The following HGD variants were observed in gnomAD, a reference collection of about 807,000 sequenced individuals.
HGD encodes homogentisate 1,2-dioxygenase.
In HGD, 61 loss-of-function variants were observed where a neutral mutation model predicts 60.8. That is an observed-to-expected ratio of 1.00 (90% CI 0.82 to 1.24). The LOEUF (loss-of-function observed/expected upper bound fraction) is 1.24. Ranked by LOEUF, HGD falls within the 50% of genes most tolerant of loss-of-function variation. The pLI is 0.00. For synonymous variants in HGD, 212 were observed against 187.7 expected (o/e 1.13, Z -1.06); for missense variants, 542 against 547.1 (o/e 0.99, Z 0.09).
chr3:120,657,818 TGAGA>T (rs71133511), intron 4 of HGD, among the ~76,000 whole-genome samples: 50 of 146,420 alleles, frequency 3.4e-4, no homozygotes, highest in East Asian at 8.1e-4. Flanking sequence ...GGAACAGGAG[TGAGA>T]GAGAGAGAGA....
chr3:120,668,182 T>C (rs1707942929), intron 4 of HGD, among the ~76,000 whole-genome samples: 1 of 152,192 alleles, frequency 6.6e-6, no homozygotes, highest in Admixed American at 6.5e-5. Context: ...TAAGGGTCAA[T>C]TATTTAGACA....
chr3:120,633,088 C>T, intron 13 of HGD, 59 bp downstream of exon 13: 2 of 1,518,432 alleles, frequency 1.3e-6, no homozygotes, highest in Non-Finnish European at 1.8e-6. Flanking sequence ...AACGGCCACC[C>T]CTCTCAGTAA....
chr3:120,631,624 C>T (rs1940594295), intron 13 of HGD, among the ~76,000 whole-genome samples: 1 of 152,170 alleles, frequency 6.6e-6, no homozygotes, highest in African/African-American at 2.4e-5. Flanking sequence ...GCTGGATTAA[C>T]AAAAGCCCCA....
intron 4 of HGD, among the ~76,000 whole-genome samples, chr3:120,660,378 T>C (rs1005526450): frequency 6.6e-5 from 10 of 152,222 alleles, no homozygotes; most frequent in African/African-American, 1.9e-4. Flanking sequence ...GTGGCTCACT[T>C]GAATTCTTCA....
intron 4 of HGD, among the ~76,000 whole-genome samples, chr3:120,653,131 T>C (rs1427644954): frequency 2.0e-5 from 3 of 152,186 alleles, no homozygotes; most frequent in African/African-American, 7.2e-5. Context: ...AAATTGTTTT[T>C]TTAAGAGAAA....
chr3:120,652,167 T>A (rs956575352), intron 5 of HGD, among the ~76,000 whole-genome samples: 8 of 152,096 alleles, frequency 5.3e-5, no homozygotes, highest in African/African-American at 1.9e-4. Flanking sequence ...ATAAACCAAA[T>A]CAAATTTGTT....
intron 4 of HGD, among the ~76,000 whole-genome samples, chr3:120,666,591 T>G (rs892763956): frequency 4.6e-5 from 7 of 152,130 alleles, no homozygotes; most frequent in Non-Finnish European, 1.0e-4. Flanking sequence ...CAAGCAATTT[T>G]CCTGCCTCAG....
chr3:120,638,255 C>T (rs543949311), intron 12 of HGD, among the ~76,000 whole-genome samples, 200 bp downstream of exon 12: 4 of 152,206 alleles, frequency 2.6e-5, no homozygotes, highest in East Asian at 3.9e-4. Flanking sequence ...TTTATAGCAA[C>T]GAAGAATGGA....
chr3:120,658,622 G>A (rs777546729), intron 4 of HGD, among the ~76,000 whole-genome samples: 94 of 152,208 alleles, frequency 6.2e-4, no homozygotes, highest in Non-Finnish European at 1.1e-3. Flanking sequence ...TCTTCTCATA[G>A]CTCCACTAGG....
intron 12 of HGD, 55 bp downstream of exon 12, chr3:120,638,400 A>G (rs1940850827): frequency 6.2e-7 from 1 of 1,608,514 alleles, no homozygotes; most frequent in Admixed American, 1.7e-5. Context: ...TGTAGCGCTC[A>G]CTGCTTTGTT....
At position 120,633,525 on chromosome 3, in the gene HGD, TACTC is replaced by T. The variant is rs1940658081; in HGVS notation, c.1007-201_1007-198del. ...TTGGCATTCTTGGCAGGCACAGCTC[TACTC>T]CATGGCCATGTGGATTATCAGAGGT... is the stretch of plus-strand genomic sequence containing the variant. On this transcript the variant is annotated intron_variant, in intron 12 of 13. Coordinates refer to ENST00000283871, the MANE Select transcript of HGD (RefSeq NM_000187.4). 1.5e-5 allele frequency: 22 copies of T among 1,500,830 alleles called. No individual in the cohort carries two copies. The South Asian group carries it at 2.5e-4, about 17-fold the overall frequency. The allele number at this position is 1,500,830 out of a possible 1,614,324, so 93.0% of individuals were successfully genotyped here.
chr3:120,669,507 G>A (rs61795572), intron 4 of HGD, among the ~76,000 whole-genome samples: 61,768 of 151,094 alleles, frequency 0.41, 13,114 homozygotes, highest in African/African-American at 0.52. Context: ...AATCAAGTTT[G>A]TCCTAAAGTT....
intron 1 of HGD, 50 bp downstream of exon 1, chr3:120,682,047 A>T (rs1473482860): frequency 6.3e-7 from 1 of 1,587,806 alleles, no homozygotes; most frequent in Non-Finnish European, 8.7e-7. Flanking sequence ...AGAAACTTCC[A>T]TAAATTTTGG....
intron 4 of HGD, among the ~76,000 whole-genome samples, chr3:120,656,695 G>T (rs1379023115): frequency 2.0e-5 from 3 of 152,086 alleles, no homozygotes; most frequent in Admixed American, 2.0e-4. Context: ...GGGACTGCAG[G>T]TGCATGCCCC....
chr3:120,674,990 C>T lies in HGD; in HGVS notation c.88-1G>A. On this transcript the variant is annotated splice_acceptor_variant, in intron 2 of 13. Transcript: ENST00000283871. LOFTEE classifies it high-confidence loss of function. Reference sequence around the variant, plus strand: ...TGTAGGGGCAGACCTGAGGATTATTCTGAAACAAAGGATGCAATAAACAAT... The same window carrying T: ...TGTAGGGGCAGACCTGAGGATTATTTTGAAACAAAGGATGCAATAAACAAT... The T allele has an allele frequency of 6.2e-7, 1 of 1,606,090 alleles. No individual in the cohort carries two copies. Among genetic ancestry groups the T allele is most frequent in the Non-Finnish European group, 8.5e-7 (1 of 1,173,192 alleles).
chr3:120,677,130 G>A (rs1708146100), intron 1 of HGD, among the ~76,000 whole-genome samples: 1 of 152,068 alleles, frequency 6.6e-6, no homozygotes, highest in Non-Finnish European at 1.5e-5. Flanking sequence ...ATTGCCTCAG[G>A]ACCCTGTAAT....
intron 4 of HGD, among the ~76,000 whole-genome samples, chr3:120,658,024 G>A (rs1394104182): frequency 2.6e-5 from 4 of 152,092 alleles, no homozygotes; most frequent in Admixed American, 2.6e-4. Flanking sequence ...CAACATTAGG[G>A]ATTATAATTT....
chr3:120,667,518 A>G (rs1707928631), intron 4 of HGD, among the ~76,000 whole-genome samples: 1 of 152,074 alleles, frequency 6.6e-6, no homozygotes, highest in African/African-American at 2.4e-5. Flanking sequence ...AGCATATTAC[A>G]CATCACACTC....
intron 11 of HGD, among the ~76,000 whole-genome samples, chr3:120,639,222 G>A (rs2107499320): frequency 6.6e-6 from 1 of 152,232 alleles, no homozygotes; most frequent in Non-Finnish European, 1.5e-5. Context: ...CCTTCTAGTA[G>A]TCTCCAGTGT....
Sources: gnomAD v4.1 joint callset for allele counts (sites outside exome capture counted in the v4.1 genomes callset) on GRCh38, gnomAD v4.1.1 for gene constraint, MANE v1.5 for transcripts, NCBI Gene and HGNC (gene_info 2026-07-23, HGNC 2026-07-21) for gene names.